MPDZ: variants seen among roughly 807,000 people sequenced by gnomAD.
MPDZ encodes multiple PDZ domain crumbs cell polarity complex component, also known as multiple PDZ domain protein.
MPDZ carries 234 observed loss-of-function variants against 239.1 expected under a neutral mutation model. The observed-to-expected ratio is 0.98, with a 90% CI of 0.88 to 1.09. The LOEUF (loss-of-function observed/expected upper bound fraction) is 1.09. MPDZ is among the 50% of genes least tolerant of loss of function. The pLI is 0.00. For missense variants in MPDZ, 3,175 were observed against 2,510.0 expected, an observed-to-expected ratio of 1.26 and a Z score of -5.66; for synonymous variants, 1,048 against 881.3, an observed-to-expected ratio of 1.19 and a Z score of -3.35.
chr9:13,262,488 A>T (rs1426055289), intron 1 of MPDZ, among the ~76,000 whole-genome samples: 1 of 152,084 alleles, frequency 6.6e-6, no homozygotes, highest in Non-Finnish European at 1.5e-5. Context: ...AGTTCTCTTC[A>T]TAGGAGGATA....
rs10809904 is a variant in MPDZ at position 13,112,117 on chromosome 9, G to A, written c.5631C>T (p.Ile1877=). The A allele has an allele frequency of 7.4e-6, 12 of 1,612,946 alleles. No homozygotes were observed. Among genetic ancestry groups the A allele is most frequent in the African/African-American group, 6.7e-5 (5 of 74,884 alleles). ...KGPTDSLGIS[I]AGGVGSPLGD... ...CAAGTGGGCTGCCTACTCCTCCAGC[G>A]ATGCTGATTCCCAGTGAGTCAGTAG... The change falls in exon 43 of 47, where the codon ATC becomes ATT. Residue 1877 remains isoleucine, a synonymous_variant. Coordinates refer to ENST00000319217, the MANE Select transcript of MPDZ (RefSeq NM_001378778.1).
intron 24 of MPDZ, among the ~76,000 whole-genome samples, chr9:13,154,367 A>G (rs1022995080): frequency 3.3e-5 from 5 of 152,134 alleles, no homozygotes; most frequent in African/African-American, 1.2e-4. Context: ...TTTTATACAT[A>G]GGTTTAAAAA....
intron 24 of MPDZ, among the ~76,000 whole-genome samples, chr9:13,156,590 A>T (rs960420051): frequency 4.6e-5 from 7 of 152,266 alleles, no homozygotes; most frequent in African/African-American, 1.7e-4. Flanking sequence ...CCCCATATTC[A>T]ATCTCCCACA....
intron 46 of MPDZ, 88 bp from the exon 47 acceptor site, chr9:13,107,199 T>C (rs1236337987): frequency 7.2e-6 from 10 of 1,382,766 alleles, no homozygotes; most frequent in South Asian, 1.5e-5. Flanking sequence ...GGAATGTAAA[T>C]TGCTCTGCTT....
intron 1 of MPDZ, among the ~76,000 whole-genome samples, chr9:13,251,357 C>A (rs1967962980): frequency 1.3e-5 from 2 of 152,144 alleles, no homozygotes. Flanking sequence ...TCAATCCACA[C>A]ATCTCATCTT....
intron 24 of MPDZ, among the ~76,000 whole-genome samples, chr9:13,154,157 T>C (rs868262866): frequency 6.6e-6 from 1 of 151,938 alleles, no homozygotes; most frequent in Non-Finnish European, 1.5e-5. Context: ...GAAGTAAAGG[T>C]TGTAAATCCT....
intron 18 of MPDZ, among the ~76,000 whole-genome samples, chr9:13,186,040 A>G (rs1954048949): frequency 6.6e-6 from 1 of 152,178 alleles, no homozygotes. Context: ...TTAATTCTAC[A>G]TACTGCTACA....
At chr9:13,157,083 T>A (rs1209399984) in intron 24 of MPDZ, among the ~76,000 whole-genome samples, 1 of 152,220 alleles carries the variant, frequency 6.6e-6, no homozygotes, top group African/African-American at 2.4e-5. Context: ...GGCTGCAGGT[T>A]ATCACTGGTG....
At chr9:13,132,186 A>T (rs1460008334) in intron 32 of MPDZ, among the ~76,000 whole-genome samples, 2 of 152,232 alleles carry the variant, frequency 1.3e-5, no homozygotes, top group African/African-American at 2.4e-5. Flanking sequence ...AATAAATAAA[A>T]AAGGAGGCGA....
In MPDZ at chr9:13,113,833, T is replaced by C. The variant is rs1942911175; in HGVS notation, c.5557+98A>G. On this transcript the variant is annotated intron_variant, in intron 41 of 46. Coordinates refer to ENST00000319217, the MANE Select transcript of MPDZ (RefSeq NM_001378778.1). Reference sequence around the variant, plus strand: ...TTTGTACCTATATTTGGATATGGGATGATTTGGGGGAAAAGAAAGCTCAGA... The same window carrying C: ...TTTGTACCTATATTTGGATATGGGACGATTTGGGGGAAAAGAAAGCTCAGA... The C allele has an allele frequency of 1.4e-5, 13 of 916,090 alleles. No individual in the cohort carries two copies. The South Asian group carries it at 1.9e-4, about 14-fold the overall frequency. The allele number at this position is 916,090 out of a possible 1,614,324, so 56.7% of individuals were successfully genotyped here. A position where few individuals can be genotyped will look rare whatever the true frequency, so the allele number is the denominator to read the frequency against.
At chr9:13,214,158 T>C (rs746420341) in intron 10 of MPDZ, among the ~76,000 whole-genome samples, 21 of 151,856 alleles carry the variant, frequency 1.4e-4, no homozygotes, top group South Asian at 2.1e-4. Context: ...AGCTAAAAAG[T>C]AGAAACAACC....
intron 32 of MPDZ, among the ~76,000 whole-genome samples, chr9:13,132,628 C>T (rs1946169785): frequency 1.3e-5 from 2 of 152,246 alleles, no homozygotes; most frequent in South Asian, 4.1e-4. Flanking sequence ...ATAATAATAG[C>T]AAGCACTATT....
chr9:13,200,033 G>T (rs141419190), intron 12 of MPDZ, among the ~76,000 whole-genome samples: 7 of 152,060 alleles, frequency 4.6e-5, no homozygotes, highest in Admixed American at 2.6e-4. Context: ...AACTGGATTA[G>T]TTATTTAAAT....
intron 42 of MPDZ, 97 bp downstream of exon 42, chr9:13,112,914 T>G: frequency 8.5e-7 from 1 of 1,173,944 alleles, no homozygotes; most frequent in Non-Finnish European, 1.2e-6. Context: ...CTTTTTGAGA[T>G]GAATACTTTA....
Position 13,161,444 on chromosome 9 carries a change from A to G in MPDZ, c.3359+1247T>C, listed in dbSNP as rs184761465. ...AAATTAGCTGGTCATGGTGGTGGAC[A>G]CCTGTAATCCCAGCTACTCAGGAGG... On this transcript the variant is annotated intron_variant, in intron 23 of 46. Coordinates refer to ENST00000319217, the MANE Select transcript of MPDZ (RefSeq NM_001378778.1). Among the ~76,000 whole-genome samples, 310 of 152,090 alleles carry G rather than the reference A, an allele frequency of 2.0e-3. 1 individual carries two copies. Among genetic ancestry groups the G allele is most frequent in the African/African-American group, 7.1e-3 (296 of 41,520 alleles).
chr9:13,112,877 T>G, intron 42 of MPDZ, 134 bp downstream of exon 42: 1 of 873,126 alleles, frequency 1.1e-6, no homozygotes, highest in South Asian at 1.8e-5. Context: ...ATTATGTTAT[T>G]TCACATGTAA....
chr9:13,193,429 A>G lies in MPDZ; in HGVS notation c.1657-116T>C, dbSNP rs965129221. The G allele has an allele frequency of 6.0e-6, 7 of 1,159,836 alleles. No homozygotes were observed. The Admixed American group carries it at 1.9e-4, about 31-fold the overall frequency. The allele number at this position is 1,159,836 out of a possible 1,614,324, so 71.8% of individuals were successfully genotyped here. A position where few individuals can be genotyped will look rare whatever the true frequency, so the allele number is the denominator to read the frequency against. On this transcript the variant is annotated intron_variant, in intron 13 of 46. Transcript: ENST00000319217. The stretch of plus-strand genomic sequence containing the variant: ...GTGGTCATCTTTCTCACAAAGCTTC[A>G]AAAACCATATTGTAAAACTGCAAAG...
chr9:13,237,441 CAAAA>C (rs71331532), intron 3 of MPDZ, among the ~76,000 whole-genome samples: 2 of 54,688 alleles, frequency 3.7e-5, no homozygotes, highest in Non-Finnish European at 7.0e-5. Flanking sequence ...GACACTGTCT[CAAAA>C]AAAAAAAAAA....
chr9:13,198,501 T>C (rs1193812104), intron 12 of MPDZ, among the ~76,000 whole-genome samples: 1 of 152,060 alleles, frequency 6.6e-6, no homozygotes, highest in Non-Finnish European at 1.5e-5. Flanking sequence ...ATTAATCAGA[T>C]GGGTAGCTTG....
Sources: allele counts gnomAD v4.1 joint callset (sites outside exome capture counted in the v4.1 genomes callset), GRCh38; gene constraint gnomAD v4.1.1; transcripts MANE v1.5; gene names NCBI Gene and HGNC (gene_info 2026-07-23, HGNC 2026-07-21).